EIF4E2: variants seen among roughly 807,000 people sequenced by gnomAD.
EIF4E2 encodes the protein eukaryotic translation initiation factor 4E family member 2.
Under a neutral mutation model 34.2 loss-of-function variants are expected in EIF4E2, and 13 were observed. The observed-to-expected ratio is 0.38, with a 90% confidence interval of 0.25 to 0.60. The LOEUF (loss-of-function observed/expected upper bound fraction) is 0.60, where lower values mean the gene tolerates loss of function less well. EIF4E2 is among the 20% of genes least tolerant of loss of function. EIF4E2 has a pLI of 0.62. For missense variants in EIF4E2, 222 were observed against 315.1 expected, an observed-to-expected ratio of 0.70 and a Z score of 2.24; for synonymous variants, 100 against 106.6, an observed-to-expected ratio of 0.94 and a Z score of 0.38.
chr2:232,577,256 G>A (rs1317520451), intron 6 of EIF4E2, among the ~76,000 whole-genome samples: 1 of 152,200 alleles, frequency 6.6e-6, no homozygotes, highest in Admixed American at 6.5e-5. Context: ...GGGGTGTACA[G>A]CTAATGGCCA....
At chr2:232,565,948 C>T (rs182934860) in intron 4 of EIF4E2, among the ~76,000 whole-genome samples, 19 of 151,922 alleles carry the variant, frequency 1.3e-4, no homozygotes, top group African/African-American at 3.1e-4. Flanking sequence ...AATAATTAGC[C>T]GGGTGTGGTG....
chr2:232,575,714 A>G (rs930818361), intron 6 of EIF4E2, among the ~76,000 whole-genome samples: 2 of 152,250 alleles, frequency 1.3e-5, no homozygotes, highest in African/African-American at 4.8e-5. Context: ...CAGCTTTAAT[A>G]GTAGATAAAT....
At chr2:232,578,371 G>T (rs570001263) in intron 6 of EIF4E2, among the ~76,000 whole-genome samples, 7 of 152,120 alleles carry the variant, frequency 4.6e-5, no homozygotes, top group Non-Finnish European at 7.4e-5. Context: ...GGTGGCTCAC[G>T]CCTGTAATCC....
intron 3 of EIF4E2, among the ~76,000 whole-genome samples, chr2:232,559,227 A>G (rs1364226703): frequency 7.0e-6 from 1 of 143,272 alleles, no homozygotes; most frequent in Non-Finnish European, 1.5e-5. Flanking sequence ...TATAAAAAAA[A>G]AAAAAAGAAT....
chr2:232,566,807 A>C lies in EIF4E2; in HGVS notation c.376-22A>C. 2 of 1,613,444 alleles carry C rather than the reference A, an allele frequency of 1.2e-6. No individual in the cohort carries two copies. Among genetic ancestry groups the C allele is most frequent in the Non-Finnish European group, 1.7e-6 (2 of 1,179,840 alleles). On this transcript the variant is annotated intron_variant, in intron 4 of 6. Transcript: ENST00000258416. This position sits in a 1 kb window ranked among gnomAD's most constrained non-coding sequence, Gnocchi z 4.9. ...GGCTGTGAAACCATATTTTAACTTC[A>C]GTGCTTTCTGTCTTTTTACAGGATG...
chr2:232,576,878 CA>C (rs1257067081), intron 6 of EIF4E2, among the ~76,000 whole-genome samples: 4 of 152,204 alleles, frequency 2.6e-5, no homozygotes, highest in Non-Finnish European at 4.4e-5. Flanking sequence ...AGAAATTTGG[CA>C]GAGAAACTGC....
intron 3 of EIF4E2, among the ~76,000 whole-genome samples, chr2:232,561,203 G>A (rs933665096): frequency 6.6e-6 from 1 of 152,168 alleles, no homozygotes; most frequent in African/African-American, 2.4e-5. Context: ...GGAGGCCAAG[G>A]TGGGAGGATC....
At chr2:232,551,100 C>G (rs1181271955) in intron 1 of EIF4E2, 44 of 605,926 alleles carry the variant, frequency 7.3e-5, no homozygotes, top group South Asian at 6.7e-4. Flanking sequence ...AGTCTGGCAG[C>G]GCTGCCTCTG....
chr2:232,565,261 G>A (rs554204351), intron 4 of EIF4E2, among the ~76,000 whole-genome samples: 1 of 152,192 alleles, frequency 6.6e-6, no homozygotes, highest in African/African-American at 2.4e-5. Flanking sequence ...CCTCCTGTCA[G>A]TTTATGCACA....
intron 1 of EIF4E2, among the ~76,000 whole-genome samples, chr2:232,554,854 ATC>A (rs1367893996): frequency 6.6e-6 from 1 of 152,112 alleles, no homozygotes; most frequent in Non-Finnish European, 1.5e-5. Flanking sequence ...ATGATCTTTC[ATC>A]TCCTGGATGA....
chr2:232,552,059 A>AT (rs1478209728), intron 1 of EIF4E2, among the ~76,000 whole-genome samples: 2 of 152,096 alleles, frequency 1.3e-5, no homozygotes, highest in African/African-American at 2.4e-5. Context: ...TGGAACCCTT[A>AT]TACCCCTTCC....
At chr2:232,553,848 C>T (rs1288130672) in intron 1 of EIF4E2, 3 of 132,068 alleles carry the variant, frequency 2.3e-5, no homozygotes, top group African/African-American at 9.0e-5. Flanking sequence ...TTTTTGTTTC[C>T]TGGTAGTGAT....
chr2:232,583,476 G>A (rs1049115729), exon 7 of EIF4E2: 1 of 151,644 alleles, frequency 6.6e-6, no homozygotes, highest in Non-Finnish European at 1.5e-5. Flanking sequence ...TACTGGCAGT[G>A]GCAATAATTT....
At chr2:232,557,276 A>G (rs1451717263) in intron 2 of EIF4E2, among the ~76,000 whole-genome samples, 1 of 152,008 alleles carries the variant, frequency 6.6e-6, no homozygotes, top group African/African-American at 2.4e-5. Flanking sequence ...CAAAGCAATC[A>G]CTAATTCATT....
chr2:232,550,928 C>G (rs1298916198), intron 1 of EIF4E2, 184 bp downstream of exon 1: 3 of 671,432 alleles, frequency 4.5e-6, no homozygotes, highest in Admixed American at 3.0e-5. Flanking sequence ...ACCGGAGTCC[C>G]GGAGACCCCA....
chr2:232,551,226 G>A lies in EIF4E2; in HGVS notation c.20+482G>A, dbSNP rs555241934. The A allele has an allele frequency of 8.4e-6, 4 of 475,836 alleles. 1 individual carries two copies. Among genetic ancestry groups the A allele is most frequent in the African/African-American group, 6.0e-5 (3 of 49,824 alleles). 29.5% of individuals were successfully genotyped at this position (475,836 alleles called of 1,614,324 possible). A position where few individuals can be genotyped will look rare whatever the true frequency, so the allele number is the denominator to read the frequency against. On this transcript the variant is annotated intron_variant, in intron 1 of 6. Coordinates refer to ENST00000258416, the MANE Select transcript of EIF4E2 (RefSeq NM_004846.4). ...TTTGGAGGATGCAATGAGGTAATGT[G>A]GTTGCTGCCCTCGACGCGGTGGAAG... is the stretch of plus-strand genomic sequence containing the variant.
chr2:232,555,261 T>G (rs1692481309), intron 1 of EIF4E2, among the ~76,000 whole-genome samples: 1 of 152,208 alleles, frequency 6.6e-6, no homozygotes, highest in South Asian at 2.1e-4. Context: ...CTGCCTAATT[T>G]CGTTTGACCA....
intron 1 of EIF4E2, among the ~76,000 whole-genome samples, chr2:232,555,001 T>C (rs1453674289): frequency 6.6e-6 from 1 of 152,162 alleles, no homozygotes; most frequent in Non-Finnish European, 1.5e-5. Context: ...GGAAGGTTCA[T>C]GGCACAGGGC....
chr2:232,583,541 A>AT (rs1373939358), exon 7 of EIF4E2: 1 of 152,054 alleles, frequency 6.6e-6, no homozygotes, highest in African/African-American at 2.4e-5. Flanking sequence ...ATTTCCAAGT[A>AT]TTTGCCAGTG....
Sources: allele counts gnomAD v4.1 joint callset (sites outside exome capture counted in the v4.1 genomes callset), GRCh38; gene constraint gnomAD v4.1.1; non-coding constraint Gnocchi (gnomAD v3.1); transcripts MANE v1.5; gene names NCBI Gene and HGNC (gene_info 2026-07-23, HGNC 2026-07-21).